The following ATF3 variants were observed in gnomAD, a reference collection of about 807,000 sequenced individuals.
ATF3 encodes the protein activating transcription factor 3.
ATF3 carries 10 observed loss-of-function variants against 18.4 expected under a neutral mutation model. That is an observed-to-expected ratio of 0.54 (90% confidence interval 0.34 to 0.92). The LOEUF (loss-of-function observed/expected upper bound fraction) is 0.92, where lower values mean the gene tolerates loss of function less well. Among genes scored for constraint, ATF3 ranks in the 40% least tolerant of loss-of-function variants. The probability of loss-of-function intolerance (pLI) is 0.02; values close to 1 mark genes in which losing one functional copy is unlikely to be tolerated. For synonymous variants in ATF3, 78 were observed against 87.9 expected (o/e 0.89, Z 0.63); for missense variants, 183 against 222.3 (o/e 0.82, Z 1.12).
rs1558243604 is a variant in ATF3 at position 212,619,732 on chromosome 1, G to A, written c.*177G>A. On this transcript the variant is annotated 3_prime_UTR_variant, in exon 4 of 4. Coordinates refer to ENST00000341491, the MANE Select transcript of ATF3 (RefSeq NM_001674.4). The surrounding 1 kb of genome is among the most constrained non-coding windows in gnomAD (Gnocchi z 4.4). ...CAGGCCCTTCCCATTCTGCCCCAGA[G>A]TGGGTCTTGGACCAGGGCAAGTGCA... 1.1e-5 allele frequency: 9 copies of A among 807,272 alleles called. No individual in the cohort carries two copies. Among genetic ancestry groups the A allele is most frequent in the African/African-American group, 1.7e-5 (1 of 57,468 alleles). 50.0% of individuals were successfully genotyped at this position (807,272 alleles called of 1,614,324 possible).
chr1:212,591,092 T>C (rs887067257), intron 1 of ATF3, among the ~76,000 whole-genome samples: 2 of 152,214 alleles, frequency 1.3e-5, no homozygotes, highest in African/African-American at 4.8e-5. Context: ...ACCAGGGACA[T>C]GTGGCTGCTC....
intron 1 of ATF3, among the ~76,000 whole-genome samples, chr1:212,582,335 T>C (rs1285953024): frequency 6.6e-6 from 1 of 152,234 alleles, no homozygotes; most frequent in African/African-American, 2.4e-5. Flanking sequence ...CTCGTATTAA[T>C]GCATTTTCTT....
chr1:212,568,038 TATTATA>T (rs1384230391), intron 1 of ATF3, among the ~76,000 whole-genome samples: 1 of 152,230 alleles, frequency 6.6e-6, no homozygotes, highest in Non-Finnish European at 1.5e-5. Flanking sequence ...GTCTGCCGAC[TATTATA>T]GCCCCAGTTT....
intron 1 of ATF3, among the ~76,000 whole-genome samples, chr1:212,572,135 C>G (rs77785891): frequency 0.046 from 6,972 of 152,226 alleles, 264 homozygotes; most frequent in African/African-American, 0.1. Flanking sequence ...TGTTCTTTTG[C>G]AAGTTCCATA....
At chr1:212,590,592 T>C (rs1225694669) in intron 1 of ATF3, among the ~76,000 whole-genome samples, 1 of 152,224 alleles carries the variant, frequency 6.6e-6, no homozygotes, top group Non-Finnish European at 1.5e-5. Flanking sequence ...TGATTTCTTT[T>C]ATCTCGTGCA....
intron 1 of ATF3, among the ~76,000 whole-genome samples, chr1:212,584,229 G>T (rs1275782917): frequency 1.3e-5 from 2 of 152,140 alleles, no homozygotes; most frequent in Non-Finnish European, 2.9e-5. Flanking sequence ...GGAATACAAA[G>T]TTCTGAGCAT....
At chr1:212,597,428 T>TATC (rs1163432145) in intron 1 of ATF3, among the ~76,000 whole-genome samples, 3 of 151,962 alleles carry the variant, frequency 2.0e-5, no homozygotes, top group Admixed American at 6.6e-5. Context: ...TTTATCTATC[T>TATC]ATCTATCTAT....
intron 1 of ATF3, among the ~76,000 whole-genome samples, chr1:212,568,772 A>T (rs759052287): frequency 6.6e-6 from 1 of 151,906 alleles, no homozygotes; most frequent in Non-Finnish European, 1.5e-5. Context: ...TAATGTCTAA[A>T]CCTCCACTGC....
chr1:212,577,391 T>C (rs1664600923), intron 1 of ATF3, among the ~76,000 whole-genome samples: 1 of 152,212 alleles, frequency 6.6e-6, no homozygotes, highest in Non-Finnish European at 1.5e-5. Flanking sequence ...TTACCTCACA[T>C]AGTTATCATT....
intron 1 of ATF3, among the ~76,000 whole-genome samples, chr1:212,586,118 C>T (rs1664775505): frequency 6.6e-6 from 1 of 152,156 alleles, no homozygotes; most frequent in Admixed American, 6.5e-5. Context: ...CTGTCCTCAG[C>T]CTGGATGCCT....
At chr1:212,588,527 G>T (rs1664821041) in intron 1 of ATF3, among the ~76,000 whole-genome samples, 1 of 152,030 alleles carries the variant, frequency 6.6e-6, no homozygotes, top group African/African-American at 2.4e-5. Context: ...GGATGAGAAG[G>T]ACAGTTACTC....
intron 1 of ATF3, among the ~76,000 whole-genome samples, chr1:212,590,425 CA>C (rs149105509): frequency 0.041 from 6,082 of 147,250 alleles, 404 homozygotes; most frequent in African/African-American, 0.13. Flanking sequence ...TTAAAAACTG[CA>C]AAAAAAAAAT....
intron 1 of ATF3, among the ~76,000 whole-genome samples, chr1:212,610,026 CTCTA>C (rs1318400284): frequency 1.3e-5 from 2 of 152,102 alleles, no homozygotes; most frequent in Non-Finnish European, 2.9e-5. Flanking sequence ...TGGGGTGGGT[CTCTA>C]TCTAATGTCA....
intron 1 of ATF3, among the ~76,000 whole-genome samples, chr1:212,584,848 G>C (rs1664748836): frequency 1.3e-5 from 2 of 152,202 alleles, no homozygotes; most frequent in Non-Finnish European, 2.9e-5. Flanking sequence ...CGGCTCCCGG[G>C]CCACCTGGAT....
intron 1 of ATF3, among the ~76,000 whole-genome samples, chr1:212,597,456 ATCTC>A (rs1218607182): frequency 2.0e-5 from 3 of 147,622 alleles, no homozygotes; most frequent in Non-Finnish European, 3.0e-5. Flanking sequence ...TCTATCATCT[ATCTC>A]TCTATCTAGC....
chr1:212,619,047 TC>T lies in ATF3; in HGVS notation c.349-308del. 1 of 1,614,184 alleles carries T rather than the reference TC, an allele frequency of 6.2e-7. No homozygotes were observed. Reference sequence around the variant, plus strand: ...CCATAAGTCTGGATTTCTCCCCAGCTCCCAAGGCCCTTTTGGGTCCAGAAGA... The same window carrying T: ...CCATAAGTCTGGATTTCTCCCCAGCTCCAAGGCCCTTTTGGGTCCAGAAGA... On this transcript the variant is annotated intron_variant, in intron 3 of 3. Transcript: ENST00000341491. This position sits in a 1 kb window ranked among gnomAD's most constrained non-coding sequence, Gnocchi z 4.4.
chr1:212,586,844 A>G (rs36061296), intron 1 of ATF3, among the ~76,000 whole-genome samples: 17,950 of 152,152 alleles, frequency 0.12, 1,996 homozygotes, highest in African/African-American at 0.3. Flanking sequence ...TGCAACCTTA[A>G]GAATCCCAAA....
intron 1 of ATF3, among the ~76,000 whole-genome samples, chr1:212,571,244 TTTTC>T (rs1168441156): frequency 6.6e-6 from 1 of 152,180 alleles, no homozygotes; most frequent in Admixed American, 6.5e-5. Context: ...TGCTTCCGGT[TTTTC>T]TTTATTTTAT....
chr1:212,575,022 G>A (rs762119845), intron 1 of ATF3, among the ~76,000 whole-genome samples: 13 of 150,322 alleles, frequency 8.6e-5, no homozygotes, highest in East Asian at 1.9e-4. Context: ...ACACACACAC[G>A]CATTTTGAAG....
Sources: allele counts gnomAD v4.1 joint callset (sites outside exome capture counted in the v4.1 genomes callset), GRCh38; gene constraint gnomAD v4.1.1; non-coding constraint Gnocchi (gnomAD v3.1); transcripts MANE v1.5; gene names NCBI Gene and HGNC (gene_info 2026-07-23, HGNC 2026-07-21).